Variants in DHX29 observed in about 807,000 individuals in gnomAD.
DHX29 encodes DExH-box helicase 29, also known as ATP-dependent RNA helicase DHX29.
A neutral mutation model predicts 167.9 loss-of-function variants in DHX29; 79 were observed. That is an observed-to-expected ratio of 0.47 (90% CI 0.39 to 0.57). DHX29 has a LOEUF of 0.57. Ranked by LOEUF, DHX29 falls within the 20% of genes least tolerant of loss-of-function variation. The pLI, the probability that DHX29 is intolerant of heterozygous loss-of-function variation, is 0.00. For synonymous variants in DHX29, 530 were observed against 546.0 expected (o/e 0.97, Z 0.41); for missense variants, 1,347 against 1,593.4 (o/e 0.85, Z 2.63).
chr5:55,265,398 A>G (rs1746508901), intron 23 of DHX29, among the ~76,000 whole-genome samples: 1 of 151,984 alleles, frequency 6.6e-6, no homozygotes, highest in African/African-American at 2.4e-5. Context: ...AACAAAGATG[A>G]ACCTGAATTG....
At position 55,262,846 on chromosome 5, in the gene DHX29, G is replaced by A. The variant is rs61748222; in HGVS notation, c.3612C>T (p.Ala1204=). 27,902 of 1,613,992 alleles carry A rather than the reference G, an allele frequency of 0.017. 306 individuals are homozygous for A. Among genetic ancestry groups the A allele is most frequent in the Middle Eastern group, 0.024 (148 of 6,058 alleles). ...TTTCTTGGAATGAGAGGGTCTGTGA[G>A]GCTCTGTTTCCTTCCCAGCTGGTAG... is the stretch of plus-strand genomic sequence containing the variant. The part of the protein sequence containing the change: ...TTSTSWEGNR[A]SQTLSFQEIA... Residue 1204 remains alanine (A), a synonymous_variant, in exon 24 of 27, where the codon GCC becomes GCT. Transcript: ENST00000251636.
intron 22 of DHX29, among the ~76,000 whole-genome samples, 189 bp from the exon 23 acceptor site, chr5:55,267,420 T>C (rs1746634573): frequency 6.6e-6 from 1 of 152,192 alleles, no homozygotes. Context: ...CATTGACAGA[T>C]ATTTTCCATT....
At chr5:55,301,504 A>G (rs1244514900) in intron 1 of DHX29, among the ~76,000 whole-genome samples, 1 of 152,102 alleles carries the variant, frequency 6.6e-6, no homozygotes, top group East Asian at 1.9e-4. Context: ...ACCTGAGGTC[A>G]GGAGTTCAAG....
chr5:55,270,521 C>G (rs1253003343), intron 19 of DHX29, 34 bp from the exon 20 acceptor site: 18 of 1,613,184 alleles, frequency 1.1e-5, no homozygotes, highest in Non-Finnish European at 1.5e-5. Context: ...TACATATTAT[C>G]AGAAATGTCA....
chr5:55,282,723 A>G (rs1747496081), intron 11 of DHX29, among the ~76,000 whole-genome samples: 1 of 152,248 alleles, frequency 6.6e-6, no homozygotes, highest in Non-Finnish European at 1.5e-5. Context: ...ATGACAATAG[A>G]TATTTAAGTA....
At chr5:55,286,350 G>A (rs192494865) in intron 8 of DHX29, among the ~76,000 whole-genome samples, 3 of 151,864 alleles carry the variant, frequency 2.0e-5, no homozygotes, top group East Asian at 1.9e-4. Flanking sequence ...GATAGAACCC[G>A]GGAAAATTCT....
intron 23 of DHX29, among the ~76,000 whole-genome samples, chr5:55,263,218 T>C (rs1746393808): frequency 6.6e-6 from 1 of 152,130 alleles, no homozygotes; most frequent in African/African-American, 2.4e-5. Context: ...ATTCACTACA[T>C]CTACTTCCAT....
chr5:55,287,980 G>A (rs934009265), intron 8 of DHX29, among the ~76,000 whole-genome samples: 1 of 150,004 alleles, frequency 6.7e-6, no homozygotes, highest in African/African-American at 2.4e-5. Context: ...GCTGGGCACA[G>A]TGGCTCACGC....
At chr5:55,293,659 C>G (rs774193263) in intron 6 of DHX29, among the ~76,000 whole-genome samples, 2 of 151,986 alleles carry the variant, frequency 1.3e-5, no homozygotes, top group Non-Finnish European at 2.9e-5. Context: ...TATTTTCTGC[C>G]TTATATTTCT....
At chr5:55,268,415 GTTTTTA>G (rs374849195) in intron 21 of DHX29, among the ~76,000 whole-genome samples, 266 of 152,172 alleles carry the variant, frequency 1.7e-3, no homozygotes, top group African/African-American at 6.2e-3. Flanking sequence ...TCTTCATTCT[GTTTTTA>G]TTTTTATTTT....
intron 4 of DHX29, 124 bp downstream of exon 4, chr5:55,296,096 G>T: frequency 9.5e-7 from 1 of 1,051,826 alleles, no homozygotes; most frequent in Non-Finnish European, 1.3e-6. Context: ...CAGAAGGTAA[G>T]AACACTTTAA....
chr5:55,285,933 CTT>C, intron 8 of DHX29, 72 bp from the exon 9 acceptor site: 2 of 1,263,918 alleles, frequency 1.6e-6, no homozygotes, highest in Middle Eastern at 2.0e-4. Context: ...AAAGTCCTCT[CTT>C]GCTTTGGAGA....
intron 2 of DHX29, 28 bp downstream of exon 2, chr5:55,298,563 G>A (rs1217568654): frequency 7.5e-7 from 1 of 1,327,644 alleles, no homozygotes; most frequent in African/African-American, 1.5e-5. Flanking sequence ...AACATTTCTT[G>A]AAATGACTCA....
chr5:55,286,140 G>A lies in DHX29; in HGVS notation c.1067-279C>T, dbSNP rs111763344. Among the ~76,000 whole-genome samples the A allele has an allele frequency of 2.4e-3, 363 of 152,056 alleles. 2 individuals are homozygous for A. Among genetic ancestry groups the A allele is most frequent in the Middle Eastern group, 0.024 (7 of 294 alleles). On this transcript the variant is annotated intron_variant, in intron 8 of 26. Coordinates refer to ENST00000251636, the MANE Select transcript of DHX29 (RefSeq NM_019030.4). ...GTGGTGGCGGGCGCCTGTAGTCCCA[G>A]CTACTCGGGAGGCTGAGGCAGGAGA...
At chr5:55,305,717 C>T (rs1238995891) in intron 1 of DHX29, among the ~76,000 whole-genome samples, 1 of 152,134 alleles carries the variant, frequency 6.6e-6, no homozygotes, top group African/African-American at 2.4e-5. Context: ...AAAACAGAAA[C>T]AAGGAAGTCG....
Position 55,297,415 on chromosome 5 carries a change from G to C in DHX29, c.262-17C>G, listed in dbSNP as rs767847650. 2.0e-6 allele frequency: 2 copies of C among 977,958 alleles called. No homozygotes were observed. The highest frequency in any genetic ancestry group is 3.3e-6 in the Non-Finnish European group (2 of 613,158). 60.6% of individuals were successfully genotyped at this position (977,958 alleles called of 1,614,324 possible). A position where few individuals can be genotyped will look rare whatever the true frequency, so the allele number is the denominator to read the frequency against. On this transcript the variant is annotated splice_polypyrimidine_tract_variant and intron_variant, in intron 2 of 26. Coordinates refer to ENST00000251636, the MANE Select transcript of DHX29 (RefSeq NM_019030.4). Reference sequence around the variant, plus strand: ...AATTACCACCTGTTGAGGCCAAAAAGGTCATATCATTTAGAAGCTAAATTA... The same window carrying C: ...AATTACCACCTGTTGAGGCCAAAAACGTCATATCATTTAGAAGCTAAATTA...
intron 1 of DHX29, among the ~76,000 whole-genome samples, chr5:55,299,036 C>CAAAAAA (rs35986300): frequency 3.9e-5 from 3 of 76,146 alleles, no homozygotes; most frequent in Admixed American, 1.5e-4. Flanking sequence ...GACTCCGTCT[C>CAAAAAA]AAAAAAAAAA....
rs1748177887 is a variant in DHX29 at position 55,294,027 on chromosome 5, T to A, written c.770A>T (p.Lys257Ile). The change falls in exon 6 of 27, where the codon AAA becomes ATA. Residue 257 changes from lysine to isoleucine, a missense_variant. Lys to Ile is a moderately radical substitution (Grantham distance 102). Coordinates refer to ENST00000251636, the MANE Select transcript of DHX29 (RefSeq NM_019030.4). The part of the protein sequence containing the change: ...ENSKSLEEEE[K>I]FDPNERYLHL... ...CAAATTTCTACTCACAGGGTCAAAT[T>A]TTTCCTCCTCTTCTAAACTTTTAGA... 4 of 1,606,190 alleles carry A rather than the reference T, an allele frequency of 2.5e-6. No homozygotes were observed. Among genetic ancestry groups the A allele is most frequent in the Non-Finnish European group, 2.5e-6 (3 of 1,177,806 alleles).
chr5:55,288,247 A>C (rs1747848587), intron 8 of DHX29, among the ~76,000 whole-genome samples: 1 of 152,098 alleles, frequency 6.6e-6, no homozygotes, highest in African/African-American at 2.4e-5. Context: ...CCATCTCAAA[A>C]ACAAAAAACA....
Sources: allele counts gnomAD v4.1 joint callset (sites outside exome capture counted in the v4.1 genomes callset), GRCh38; gene constraint gnomAD v4.1.1; transcripts MANE v1.5; gene names NCBI Gene and HGNC (gene_info 2026-07-23, HGNC 2026-07-21).